The following GALNT11 variants were observed in gnomAD, a reference collection of about 807,000 sequenced individuals.
GALNT11 encodes the protein UDP-GalNAc:polypeptide N-acetylgalactosaminyltransferase 11.
A neutral mutation model predicts 72.7 loss-of-function variants in GALNT11; 47 were observed. The observed-to-expected ratio is 0.65, with a 90% confidence interval of 0.51 to 0.82. The LOEUF (loss-of-function observed/expected upper bound fraction) is 0.82. Ranked by LOEUF, GALNT11 falls within the 40% of genes least tolerant of loss-of-function variation. The pLI, the probability that GALNT11 is intolerant of heterozygous loss-of-function variation, is 0.00. For synonymous variants in GALNT11, 270 were observed against 286.6 expected, an observed-to-expected ratio of 0.94 and a Z score of 0.58; for missense variants, 677 against 778.4, an observed-to-expected ratio of 0.87 and a Z score of 1.55.
At chr7:152,101,286 G>GT (rs1303116667) in intron 3 of GALNT11, among the ~76,000 whole-genome samples, 3 of 151,888 alleles carry the variant, frequency 2.0e-5, no homozygotes, top group South Asian at 2.1e-4. Context: ...CTCTTTCATT[G>GT]TTTTTTTTCC....
chr7:152,117,472 A>C, intron 9 of GALNT11, 97 bp downstream of exon 9: 1 of 1,150,536 alleles, frequency 8.7e-7, no homozygotes, highest in Non-Finnish European at 1.3e-6. Flanking sequence ...CTGTGGACTT[A>C]ACAGAGTGTA....
chr7:152,121,642 G>A lies in GALNT11; in HGVS notation c.1792G>A (p.Gly598Ser). 6.2e-7 allele frequency: 1 copy of A among 1,614,208 alleles called. No individual in the cohort carries two copies. Among genetic ancestry groups the A allele is most frequent in the South Asian group, 1.1e-5 (1 of 91,082 alleles). Residue 598 changes from glycine (G) to serine (S), a missense_variant, in exon 12 of 12, where the codon GGC (glycine) becomes AGC (serine). Physicochemically the swap from Gly to Ser is moderately conservative, Grantham distance 56 (BLOSUM62 0). Coordinates refer to ENST00000430044, the MANE Select transcript of GALNT11 (RefSeq NM_022087.4). ...CTCTGTCGCCATGGCGATCTGCGAT[G>A]GCTCCTCTTCACAGCAGTGGCATTT... is the stretch of plus-strand genomic sequence containing the variant. ...KGSVAMAICDGSSSQQWHLEG is the reference protein window; with the variant it reads ...KGSVAMAICDSSSSQQWHLEG
chr7:152,056,424 T>C (rs1381087321), intron 1 of GALNT11, among the ~76,000 whole-genome samples: 1 of 152,208 alleles, frequency 6.6e-6, no homozygotes, highest in Non-Finnish European at 1.5e-5. Context: ...CCAAGTATCC[T>C]ATCCCTTGGG....
At chr7:152,027,291 A>G (rs527240818) in intron 1 of GALNT11, among the ~76,000 whole-genome samples, 6 of 152,336 alleles carry the variant, frequency 3.9e-5, no homozygotes, top group African/African-American at 1.4e-4. Flanking sequence ...TAGTAGGCAT[A>G]TGTATTTATA....
intron 1 of GALNT11, among the ~76,000 whole-genome samples, chr7:152,062,373 G>A (rs2084068229): frequency 2.0e-5 from 3 of 152,162 alleles, no homozygotes; most frequent in Non-Finnish European, 2.9e-5. Context: ...GGGCTGAGAC[G>A]ATGAGGTTTT....
intron 2 of GALNT11, among the ~76,000 whole-genome samples, chr7:152,098,416 C>T (rs892179550): frequency 2.0e-5 from 3 of 151,356 alleles, no homozygotes; most frequent in African/African-American, 4.9e-5. Context: ...CAGAGCAAGA[C>T]CCTGTCTCAA....
chr7:152,121,859 C>A lies in GALNT11; in HGVS notation c.*182C>A. 1.6e-6 allele frequency: 1 copy of A among 641,122 alleles called. No individual in the cohort carries two copies. 39.7% of individuals were successfully genotyped at this position (641,122 alleles called of 1,614,324 possible). On this transcript the variant is annotated 3_prime_UTR_variant, in exon 12 of 12. Coordinates refer to ENST00000430044, the MANE Select transcript of GALNT11 (RefSeq NM_022087.4). Reference sequence around the variant, plus strand: ...GACACGTGTCTGACAGAGACGGGAGCTCTGAGTGTCCACGGGTGAAGAAGT... The same window carrying A: ...GACACGTGTCTGACAGAGACGGGAGATCTGAGTGTCCACGGGTGAAGAAGT...
In GALNT11 at chr7:152,034,972, G is replaced by A. The variant is rs144743035; in HGVS notation, c.-39+9088G>A. 1.5e-3 allele frequency among the ~76,000 whole-genome samples: 232 copies of A among 152,206 alleles called. 2 individuals are homozygous for A. Among genetic ancestry groups the A allele is most frequent in the African/African-American group, 5.3e-3 (222 of 41,538 alleles). The stretch of plus-strand genomic sequence containing the variant: ...TCCTAAGCATTCTCCAGTTAGTATT[G>A]GGACTTTACCCCTCCTGTAAAGATG... On this transcript the variant is annotated intron_variant, in intron 1 of 11. Transcript: ENST00000430044.
chr7:152,075,664 C>T lies in GALNT11; in HGVS notation c.-38-18526C>T, dbSNP rs547347713. Among the ~76,000 whole-genome samples, 59 of 152,170 alleles carry T rather than the reference C, an allele frequency of 3.9e-4. 1 individual carries two copies. The highest frequency in any genetic ancestry group is 1.4e-3 in the African/African-American group (57 of 41,518). On this transcript the variant is annotated intron_variant, in intron 1 of 11. Coordinates refer to ENST00000430044, the MANE Select transcript of GALNT11 (RefSeq NM_022087.4). ...TACAAAAATACAAGCCGTGGGGTGG[C>T]GCATGCCTGTAATCCCAGCTCCTTG...
chr7:152,052,723 G>T (rs555454258), intron 1 of GALNT11, among the ~76,000 whole-genome samples: 1 of 152,208 alleles, frequency 6.6e-6, no homozygotes, highest in South Asian at 2.1e-4. Flanking sequence ...TGTTCCCAGA[G>T]GTTCAGTTAC....
At chr7:152,042,684 G>A (rs546741333) in intron 1 of GALNT11, among the ~76,000 whole-genome samples, 52 of 152,220 alleles carry the variant, frequency 3.4e-4, no homozygotes, top group African/African-American at 1.3e-3. Context: ...TGCATCATAT[G>A]TTGACTTTGA....
chr7:152,079,668 G>A (rs2085203350), intron 1 of GALNT11, among the ~76,000 whole-genome samples: 1 of 152,232 alleles, frequency 6.6e-6, no homozygotes, highest in South Asian at 2.1e-4. Flanking sequence ...ATCGCCTTAT[G>A]TGTAATTATA....
intron 7 of GALNT11, among the ~76,000 whole-genome samples, chr7:152,112,142 C>T (rs770393679): frequency 1.3e-5 from 2 of 152,220 alleles, no homozygotes; most frequent in African/African-American, 2.4e-5. Flanking sequence ...TTCTCCCAAC[C>T]ATCTCCTAGT....
chr7:152,096,010 A>G (rs900338778), intron 2 of GALNT11, among the ~76,000 whole-genome samples: 3 of 152,216 alleles, frequency 2.0e-5, no homozygotes, highest in African/African-American at 2.4e-5. Flanking sequence ...TAAGAGATCA[A>G]TTTCATTTAC....
intron 1 of GALNT11, among the ~76,000 whole-genome samples, chr7:152,061,776 G>A (rs2084032524): frequency 6.6e-6 from 1 of 152,202 alleles, no homozygotes; most frequent in Admixed American, 6.5e-5. Flanking sequence ...TCAAAGATCA[G>A]ATGGTTATAG....
chr7:152,097,749 A>C (rs1246215894), intron 2 of GALNT11, among the ~76,000 whole-genome samples: 3 of 152,208 alleles, frequency 2.0e-5, no homozygotes, highest in African/African-American at 7.2e-5. Context: ...AGCCACACAC[A>C]AAAGGTCACA....
intron 1 of GALNT11, among the ~76,000 whole-genome samples, chr7:152,057,646 C>T (rs945776760): frequency 6.6e-6 from 1 of 152,156 alleles, no homozygotes; most frequent in Admixed American, 6.5e-5. Flanking sequence ...AATCTATGTC[C>T]TGACCCCCGT....
intron 1 of GALNT11, among the ~76,000 whole-genome samples, chr7:152,047,687 C>CGTGTGTGTGT (rs141152865): frequency 1.4e-4 from 21 of 147,126 alleles, no homozygotes; most frequent in African/African-American, 5.2e-4. Context: ...ACAGTGACAC[C>CGTGTGTGTGT]GTGTGTGTGT....
intron 1 of GALNT11, among the ~76,000 whole-genome samples, chr7:152,037,754 C>T (rs75086288): frequency 0.023 from 3,418 of 151,700 alleles, 55 homozygotes; most frequent in African/African-American, 0.044. Context: ...TCTTTTTGTG[C>T]GTGCATGTCT....
Sources: gnomAD v4.1 joint callset for allele counts (sites outside exome capture counted in the v4.1 genomes callset) on GRCh38, gnomAD v4.1.1 for gene constraint, MANE v1.5 for transcripts, NCBI Gene and HGNC (gene_info 2026-07-23, HGNC 2026-07-21) for gene names.